Variants in MAPK14 observed in about 807,000 individuals in gnomAD.
MAPK14 encodes CSAID-binding protein.
Under a neutral mutation model 49.6 loss-of-function variants are expected in MAPK14, and 16 were observed. The ratio of observed to expected loss-of-function variants is 0.32; its 90% CI spans 0.22 to 0.49. The LOEUF is 0.49. MAPK14 is among the 20% of genes least tolerant of loss of function. The pLI is 0.99. For synonymous variants in MAPK14, 142 were observed against 158.0 expected, an observed-to-expected ratio of 0.90 and a Z score of 0.76; for missense variants, 200 against 441.2, an observed-to-expected ratio of 0.45 and a Z score of 4.90.
chr6:36,095,924 TTGTC>T, intron 8 of MAPK14, 59 bp from the exon 9 acceptor site: 5 of 1,035,258 alleles, frequency 4.8e-6, no homozygotes, highest in Non-Finnish European at 7.4e-6. Flanking sequence ...TTTGTTTTGT[TTGTC>T]ATTGTTTGTT....
At chr6:36,065,683 A>G (rs1298292628) in intron 3 of MAPK14, among the ~76,000 whole-genome samples, 1 of 152,038 alleles carries the variant, frequency 6.6e-6, no homozygotes. Context: ...GGAACTGGAA[A>G]TGGGATTGGA....
chr6:36,051,804 A>G (rs1228834206), intron 1 of MAPK14, among the ~76,000 whole-genome samples: 1 of 152,190 alleles, frequency 6.6e-6, no homozygotes, highest in Middle Eastern at 3.2e-3. Flanking sequence ...GGGAAATACA[A>G]AAGCTGAATT....
chr6:36,102,998 G>A (rs763628940), intron 10 of MAPK14, among the ~76,000 whole-genome samples: 1 of 152,180 alleles, frequency 6.6e-6, no homozygotes, highest in Non-Finnish European at 1.5e-5. Flanking sequence ...GATTTATGGT[G>A]TCTCTGAGTG....
chr6:36,073,533 T>A (rs547940674), intron 4 of MAPK14, among the ~76,000 whole-genome samples, 158 bp from the exon 5 acceptor site: 1 of 152,338 alleles, frequency 6.6e-6, no homozygotes, highest in South Asian at 2.1e-4. Context: ...ATTATAGTAA[T>A]GGTAAATGTA....
At chr6:36,053,903 A>C (rs1763492722) in intron 2 of MAPK14, among the ~76,000 whole-genome samples, 1 of 152,026 alleles carries the variant, frequency 6.6e-6, no homozygotes, top group African/African-American at 2.4e-5. Context: ...TTTTATTTTC[A>C]CATTTTATTT....
At chr6:36,085,874 C>T (rs181493298) in intron 8 of MAPK14, among the ~76,000 whole-genome samples, 3 of 152,300 alleles carry the variant, frequency 2.0e-5, no homozygotes, top group African/African-American at 4.8e-5. Context: ...AGCAGCACAT[C>T]GCACTTAGGC....
At position 36,108,517 on chromosome 6, in the gene MAPK14, A is replaced by G. The variant is rs962104626; in HGVS notation, c.*70A>G. ...AGGCCTTTTCACGGGAACTCTCCAA[A>G]TATTATTCAAGTGCCTCTTGTTGCA... On this transcript the variant is annotated 3_prime_UTR_variant, in exon 12 of 12. Transcript: ENST00000229794. The G allele has an allele frequency of 8.0e-7, 1 of 1,252,174 alleles. No homozygotes were observed. Among genetic ancestry groups the G allele is most frequent in the African/African-American group, 1.5e-5 (1 of 67,646 alleles). The allele number at this position is 1,252,174 out of a possible 1,614,324, so 77.6% of individuals were successfully genotyped here.
chr6:36,116,248 A>G, the MAPK14 span, among the ~76,000 whole-genome samples: 2 of 152,168 alleles, frequency 1.3e-5, no homozygotes, highest in African/African-American at 4.8e-5. Context: ...TGTCTTGACA[A>G]CTCAGATACC....
At chr6:36,086,038 A>G (rs1342870978) in intron 8 of MAPK14, among the ~76,000 whole-genome samples, 1 of 152,196 alleles carries the variant, frequency 6.6e-6, no homozygotes, top group Non-Finnish European at 1.5e-5. Context: ...GAAATTGGAC[A>G]ACCTGCTCCT....
intron 7 of MAPK14, among the ~76,000 whole-genome samples, chr6:36,076,296 C>G (rs61764189): frequency 0.017 from 2,664 of 152,262 alleles, 78 homozygotes; most frequent in African/African-American, 0.06. Flanking sequence ...AAGAAACTTG[C>G]CCCTTTTTAA....
intron 9 of MAPK14, 37 bp downstream of exon 9, chr6:36,096,103 A>T: frequency 6.9e-7 from 1 of 1,438,964 alleles, no homozygotes. Context: ...CCCTGTTGGG[A>T]GCCTCTGCCA....
At chr6:36,095,903 G>C (rs576632124) in intron 8 of MAPK14, 84 bp from the exon 9 acceptor site, 1 of 865,368 alleles carries the variant, frequency 1.2e-6, no homozygotes, top group East Asian at 2.4e-5. Flanking sequence ...GGTGTGTTCT[G>C]TTTGTTTGTT....
intron 3 of MAPK14, among the ~76,000 whole-genome samples, chr6:36,063,542 T>C (rs957156086): frequency 2.0e-5 from 3 of 152,208 alleles, no homozygotes; most frequent in African/African-American, 7.2e-5. Flanking sequence ...TGAACCATGA[T>C]TGCGCCACTG....
chr6:36,033,270 C>T (rs1429915192), intron 1 of MAPK14, among the ~76,000 whole-genome samples: 1 of 151,730 alleles, frequency 6.6e-6, no homozygotes, highest in South Asian at 2.1e-4. Flanking sequence ...AGAAAGAGTT[C>T]ATTCGAAGCT....
At chr6:36,111,258 A>G (rs1765966745), downstream of MAPK14, 1 of 152,226 alleles carries the variant, frequency 6.6e-6, no homozygotes, top group African/African-American at 2.4e-5. Flanking sequence ...CTGTTTATGT[A>G]TTGTCTGTGG....
intron 2 of MAPK14, among the ~76,000 whole-genome samples, chr6:36,057,612 G>A (rs184329510): frequency 6.6e-6 from 1 of 152,162 alleles, no homozygotes; most frequent in East Asian, 1.9e-4. Flanking sequence ...CCAGCTACTC[G>A]GGAGGCTGAG....
intron 8 of MAPK14, among the ~76,000 whole-genome samples, chr6:36,081,928 T>A (rs987100938): frequency 5.3e-5 from 8 of 152,294 alleles, no homozygotes; most frequent in Middle Eastern, 6.8e-3. Context: ...AGCAGTGTTT[T>A]ATAGTTTTCA....
chr6:36,120,755 C>A, the MAPK14 span, among the ~76,000 whole-genome samples: 1 of 152,176 alleles, frequency 6.6e-6, no homozygotes, highest in Non-Finnish European at 1.5e-5. Context: ...GTCACTGTTT[C>A]CTGTTGCCGC....
intron 6 of MAPK14, 115 bp downstream of exon 6, chr6:36,074,211 A>G: frequency 3.1e-6 from 2 of 638,558 alleles, no homozygotes; most frequent in Non-Finnish European, 2.7e-6. Context: ...TGAAATTCGT[A>G]TTATTTTTAT....
Sources: allele counts gnomAD v4.1 joint callset (sites outside exome capture counted in the v4.1 genomes callset), GRCh38; gene constraint gnomAD v4.1.1; transcripts MANE v1.5; gene names NCBI Gene and HGNC (gene_info 2026-07-23, HGNC 2026-07-21).